The following SLC19A3 variants were observed in gnomAD, a reference collection of about 807,000 sequenced individuals.
SLC19A3 encodes solute carrier family 19 member 3, also known as thiamine transporter 2.
Under a neutral mutation model 40.2 loss-of-function variants are expected in SLC19A3, and 31 were observed. That is an observed-to-expected ratio of 0.77 (90% CI 0.58 to 1.04). The LOEUF (loss-of-function observed/expected upper bound fraction) is 1.04. Among genes scored for constraint, SLC19A3 ranks in the 50% least tolerant of loss-of-function variants. SLC19A3 has a pLI of 0.00. For synonymous variants in SLC19A3, 212 were observed against 227.5 expected (o/e 0.93, Z 0.61); for missense variants, 592 against 596.7 (o/e 0.99, Z 0.08).
intron 5 of SLC19A3, 40 bp downstream of exon 5, chr2:227,688,126 T>G: frequency 6.2e-7 from 1 of 1,613,020 alleles, no homozygotes; most frequent in Non-Finnish European, 8.5e-7. Flanking sequence ...TGAGAAATTT[T>G]TGAGGTTACC....
rs764631687 is a variant in SLC19A3, at chr2:227,703,210, A to G, written c.-2-890T>C. Among the ~76,000 whole-genome samples the G allele has an allele frequency of 1.3e-5, 2 of 152,246 alleles. No homozygotes were observed. Among genetic ancestry groups the G allele is most frequent in the African/African-American group, 2.4e-5 (1 of 41,474 alleles). ...CATTCACACTAAAGATTATGGTTAC[A>G]TATATAGAGCTTTTAGGGTCAATTG... On this transcript the variant is annotated intron_variant, in intron 1 of 5. Coordinates refer to ENST00000644224, the MANE Select transcript of SLC19A3 (RefSeq NM_025243.4). This position sits in a 1 kb window ranked among gnomAD's most constrained non-coding sequence, Gnocchi z 4.7.
rs185400367 is a variant in SLC19A3, at chr2:227,713,129, G to A, written c.-3+4814C>T. ...ATGTTAAATCTTAATCCCAGGCTGGGTGCAGTGGCTCACACCTATAATCCC... is the reference window on the plus strand; with the variant it reads ...ATGTTAAATCTTAATCCCAGGCTGGATGCAGTGGCTCACACCTATAATCCC... On this transcript the variant is annotated intron_variant, in intron 1 of 5. Coordinates refer to ENST00000644224, the MANE Select transcript of SLC19A3 (RefSeq NM_025243.4). 1.6e-3 allele frequency among the ~76,000 whole-genome samples: 243 copies of A among 152,262 alleles called. 1 individual carries two copies. Among genetic ancestry groups the A allele is most frequent in the African/African-American group, 4.9e-3 (204 of 41,556 alleles).
At position 227,707,255 on chromosome 2, in the gene SLC19A3, C is replaced by A. The variant is rs114841710; in HGVS notation, c.-2-4935G>T. On this transcript the variant is annotated intron_variant, in intron 1 of 5. Transcript: ENST00000644224. ...AGTGGTCACTTCAGTTGCCTTGGAA[C>A]TGATGGGTTCCTTTCTTCTTTTGCT... Among the ~76,000 whole-genome samples the A allele has an allele frequency of 6.7e-3, 1,023 of 152,368 alleles. 13 individuals are homozygous for A. The highest frequency in any genetic ancestry group is 0.023 in the African/African-American group (953 of 41,586).
chr2:227,686,228 T>C lies in SLC19A3; in HGVS notation c.*1169A>G. The C allele has an allele frequency of 2.5e-6, 1 of 396,788 alleles. No homozygotes were observed. The highest frequency in any genetic ancestry group is 5.1e-6 in the Non-Finnish European group (1 of 197,250). 24.6% of individuals were successfully genotyped at this position (396,788 alleles called of 1,614,324 possible). Reference sequence around the variant, plus strand: ...AAACAAAACAAAATCAGGTGTTTTATTCCACTCCCCCCATCAGTGTTTTCT... The same window carrying C: ...AAACAAAACAAAATCAGGTGTTTTACTCCACTCCCCCCATCAGTGTTTTCT... On this transcript the variant is annotated 3_prime_UTR_variant, in exon 6 of 6. Coordinates refer to ENST00000644224, the MANE Select transcript of SLC19A3 (RefSeq NM_025243.4).
chr2:227,697,891 C>T (rs1430917813), intron 3 of SLC19A3, among the ~76,000 whole-genome samples: 1 of 151,758 alleles, frequency 6.6e-6, no homozygotes, highest in African/African-American at 2.4e-5. Flanking sequence ...TCCTGGGCAA[C>T]ATGGTGAAAC....
At position 227,703,402 on chromosome 2, in the gene SLC19A3, C is replaced by G. The variant is rs1477271310; in HGVS notation, c.-2-1082G>C. On this transcript the variant is annotated intron_variant, in intron 1 of 5. Coordinates refer to ENST00000644224, the MANE Select transcript of SLC19A3 (RefSeq NM_025243.4). The surrounding 1 kb of genome is among the most constrained non-coding windows in gnomAD (Gnocchi z 4.7). The stretch of plus-strand genomic sequence containing the variant: ...CATTGCGGCTTGCCACTCACCCTAC[C>G]CTTTCCCAAGGTGACCCCGACAGCT... 6.6e-6 allele frequency among the ~76,000 whole-genome samples: 1 copy of G among 152,074 alleles called. No individual in the cohort carries two copies. The highest frequency in any genetic ancestry group is 2.4e-5 in the African/African-American group (1 of 41,400).
rs566626421 is a variant in SLC19A3, at chr2:227,703,777, T to C, written c.-2-1457A>G. 6.6e-6 allele frequency among the ~76,000 whole-genome samples: 1 copy of C among 152,286 alleles called. No individual in the cohort carries two copies. The highest frequency in any genetic ancestry group is 2.4e-5 in the African/African-American group (1 of 41,558). ...TCTTGCTGGGGTAGCATCTGCTGGCTCTATATCCAGAGCCTCCTCTCCACC... is the reference window on the plus strand; with the variant it reads ...TCTTGCTGGGGTAGCATCTGCTGGCCCTATATCCAGAGCCTCCTCTCCACC... On this transcript the variant is annotated intron_variant, in intron 1 of 5. Transcript: ENST00000644224. This position sits in a 1 kb window ranked among gnomAD's most constrained non-coding sequence, Gnocchi z 4.7.
intron 1 of SLC19A3, among the ~76,000 whole-genome samples, chr2:227,712,440 C>T (rs1301147361): frequency 6.6e-6 from 1 of 152,132 alleles, no homozygotes; most frequent in East Asian, 1.9e-4. Context: ...AGAGCACATG[C>T]AAAGATACTC....
chr2:227,688,239 G>T lies in SLC19A3; in HGVS notation c.1241C>A (p.Ala414Asp). 6.2e-7 allele frequency: 1 copy of T among 1,613,892 alleles called. No homozygotes were observed. Among genetic ancestry groups the T allele is most frequent in the Non-Finnish European group, 8.5e-7 (1 of 1,179,854 alleles). Reference sequence around the variant, plus strand: ...AGTCATGATGGTCTGAATCACCAAGGCAATAAAGGTGTTGATTCCAAATAC... The same window carrying T: ...AGTCATGATGGTCTGAATCACCAAGTCAATAAAGGTGTTGATTCCAAATAC... ...ALVFGINTFI[A>D]LVIQTIMTVI... Residue 414 changes from alanine to aspartate, a missense_variant, in exon 5 of 6, where the codon GCC (alanine) becomes GAC (aspartate). Ala to Asp is a moderately radical substitution (Grantham distance 126, BLOSUM62 -2). Transcript: ENST00000644224.
At chr2:227,706,573 C>T in intron 1 of SLC19A3, 1 of 707,284 alleles carries the variant, frequency 1.4e-6, no homozygotes, top group Non-Finnish European at 1.9e-6. Context: ...GAGTTCAAGA[C>T]TAGCCTGGCC....
In SLC19A3 at chr2:227,702,306, T is replaced by C; in HGVS notation, c.13A>G (p.Arg5Gly). Reference sequence around the variant, plus strand: ...ATCCAGGAACTGCTTAGTGAAGTTCTGTAACAATCCATGGCTGATCAAATG... The same window carrying C: ...ATCCAGGAACTGCTTAGTGAAGTTCCGTAACAATCCATGGCTGATCAAATG... MDCY[R>G]TSLSSSWIYP... Residue 5 changes from arginine to glycine, a missense_variant, in exon 2 of 6, where the codon AGA (arginine) becomes GGA (glycine). Physicochemically the swap from Arg to Gly is moderately radical, Grantham distance 125. Transcript: ENST00000644224. The C allele has an allele frequency of 2.5e-6, 4 of 1,614,040 alleles. No homozygotes were observed. The highest frequency in any genetic ancestry group is 1.3e-5 in the African/African-American group (1 of 75,012).
intron 1 of SLC19A3, 66 bp from the exon 2 acceptor site, chr2:227,702,386 G>T: frequency 6.8e-7 from 1 of 1,479,512 alleles, no homozygotes. Context: ...TTGATGCGAT[G>T]AAAACCTGAT....
At chr2:227,711,216 G>A (rs1311599180) in intron 1 of SLC19A3, among the ~76,000 whole-genome samples, 1 of 151,990 alleles carries the variant, frequency 6.6e-6, no homozygotes, top group African/African-American at 2.4e-5. Flanking sequence ...TCAGGAGTTC[G>A]AGACCAGCCT....
chr2:227,717,999 C>G lies in SLC19A3; in HGVS notation c.-59G>C. On this transcript the variant is annotated 5_prime_UTR_variant, in exon 1 of 6. Coordinates refer to ENST00000644224, the MANE Select transcript of SLC19A3 (RefSeq NM_025243.4). ...CTCACTTGCCGCACGACCACGCACC[C>G]GCGGCTGTCGGATGGATCCAGGCGC... is the stretch of plus-strand genomic sequence containing the variant. 2.0e-6 allele frequency: 2 copies of G among 985,168 alleles called. No homozygotes were observed. The highest frequency in any genetic ancestry group is 5.2e-4 in the Middle Eastern group (1 of 1,914). The allele number at this position is 985,168 out of a possible 1,614,324, so 61.0% of individuals were successfully genotyped here. A position where few individuals can be genotyped will look rare whatever the true frequency, so the allele number is the denominator to read the frequency against.
Position 227,687,336 on chromosome 2 carries a change from C to G in SLC19A3, c.*61G>C, listed in dbSNP as rs1003494762. 2 of 1,522,890 alleles carry G rather than the reference C, an allele frequency of 1.3e-6. No homozygotes were observed. The allele number at this position is 1,522,890 out of a possible 1,614,324, so 94.3% of individuals were successfully genotyped here. ...ATGGCAAAACATATGCCACCCATCTCAAAATCTTTCCTTATTATTGCATAA... is the reference window on the plus strand; with the variant it reads ...ATGGCAAAACATATGCCACCCATCTGAAAATCTTTCCTTATTATTGCATAA... On this transcript the variant is annotated 3_prime_UTR_variant, in exon 6 of 6. Transcript: ENST00000644224.
At position 227,703,493 on chromosome 2, in the gene SLC19A3, C is replaced by T. The variant is rs1238436452; in HGVS notation, c.-2-1173G>A. ...TATGTCAACAAAGCCCTTGATTAAG[C>T]AGTGGAGAGACAAGAGCGATCAGAT... is the stretch of plus-strand genomic sequence containing the variant. On this transcript the variant is annotated intron_variant, in intron 1 of 5. Transcript: ENST00000644224. The surrounding 1 kb of genome is among the most constrained non-coding windows in gnomAD (Gnocchi z 4.7). 6.6e-6 allele frequency among the ~76,000 whole-genome samples: 1 copy of T among 152,212 alleles called. No homozygotes were observed. Among genetic ancestry groups the T allele is most frequent in the Non-Finnish European group, 1.5e-5 (1 of 68,042 alleles).
intron 4 of SLC19A3, among the ~76,000 whole-genome samples, chr2:227,691,556 T>C (rs1233324738): frequency 6.6e-6 from 1 of 151,784 alleles, no homozygotes; most frequent in Non-Finnish European, 1.5e-5. Context: ...TTGCAGTGAG[T>C]AGAGATTATC....
chr2:227,696,511 T>C (rs2106326488), intron 3 of SLC19A3, among the ~76,000 whole-genome samples: 1 of 152,336 alleles, frequency 6.6e-6, no homozygotes, highest in Non-Finnish European at 1.5e-5. Context: ...CTGTAAGTCT[T>C]TTTCAGTGAT....
intron 1 of SLC19A3, among the ~76,000 whole-genome samples, chr2:227,716,400 T>C (rs1174789056): frequency 2.0e-5 from 3 of 152,068 alleles, no homozygotes; most frequent in Non-Finnish European, 4.4e-5. Context: ...TACCCCAAAA[T>C]ATGGGGCTTT....
Sources: allele counts gnomAD v4.1 joint callset (sites outside exome capture counted in the v4.1 genomes callset), GRCh38; gene constraint gnomAD v4.1.1; non-coding constraint Gnocchi (gnomAD v3.1); transcripts MANE v1.5; gene names NCBI Gene and HGNC (gene_info 2026-07-23, HGNC 2026-07-21).